Variants in MAGI3 observed in about 807,000 individuals in gnomAD.
MAGI3 encodes membrane associated guanylate kinase, WW and PDZ domain containing 3.
A neutral mutation model predicts 121.8 loss-of-function variants in MAGI3; 43 were observed. That is an observed-to-expected ratio of 0.35 (90% CI 0.28 to 0.46). The LOEUF (loss-of-function observed/expected upper bound fraction) is 0.46. Ranked by LOEUF, MAGI3 falls within the 20% of genes least tolerant of loss-of-function variation. The pLI, the probability that MAGI3 is intolerant of heterozygous loss-of-function variation, is 1.00. For synonymous variants in MAGI3, 553 were observed against 639.3 expected, an observed-to-expected ratio of 0.86 and a Z score of 2.04; for missense variants, 1,547 against 1,797.3, an observed-to-expected ratio of 0.86 and a Z score of 2.52.
chr1:113,505,988 T>C (rs1481197096), intron 1 of MAGI3, among the ~76,000 whole-genome samples: 2 of 152,124 alleles, frequency 1.3e-5, no homozygotes, highest in African/African-American at 2.4e-5. Context: ...GATTATGACA[T>C]TGGAGGCTGT....
chr1:113,614,582 C>T lies in MAGI3; in HGVS notation c.1019-19C>T, dbSNP rs554040700. 3.1e-6 allele frequency: 5 copies of T among 1,589,670 alleles called. No homozygotes were observed. The highest frequency in any genetic ancestry group is 3.4e-6 in the Non-Finnish European group (4 of 1,159,864). ...TCAGTTTTGAATCTGGCATTTCACT[C>T]AATTTTCTTTATTTACAGAGCTTCC... On this transcript the variant is annotated intron_variant, in intron 6 of 20. Coordinates refer to ENST00000307546, the MANE Select transcript of MAGI3 (RefSeq NM_001142782.2).
At chr1:113,483,777 A>G (rs981885557) in intron 1 of MAGI3, among the ~76,000 whole-genome samples, 1 of 152,166 alleles carries the variant, frequency 6.6e-6, no homozygotes, top group Non-Finnish European at 1.5e-5. Flanking sequence ...TTATTGTGAA[A>G]AATTTCACAC....
chr1:113,459,616 T>C (rs1654932284), intron 1 of MAGI3, among the ~76,000 whole-genome samples: 1 of 152,228 alleles, frequency 6.6e-6, no homozygotes, highest in Non-Finnish European at 1.5e-5. Flanking sequence ...ACCTGCCTCT[T>C]TACATTCACC....
chr1:113,630,018 C>T (rs1236414951), intron 9 of MAGI3, among the ~76,000 whole-genome samples: 3 of 152,182 alleles, frequency 2.0e-5, no homozygotes, highest in African/African-American at 7.2e-5. Context: ...GAGCTAGGTT[C>T]GTGTCCCTCT....
At chr1:113,496,462 A>G (rs540271142) in intron 1 of MAGI3, among the ~76,000 whole-genome samples, 1 of 152,344 alleles carries the variant, frequency 6.6e-6, no homozygotes, top group South Asian at 2.1e-4. Flanking sequence ...GACCGTCAGC[A>G]CTAAGTAAAT....
intron 1 of MAGI3, among the ~76,000 whole-genome samples, chr1:113,454,651 C>G (rs1654656421): frequency 1.3e-5 from 2 of 152,106 alleles, no homozygotes; most frequent in South Asian, 2.1e-4. Context: ...CCCTAGCCCC[C>G]CATCCCTCGA....
intron 1 of MAGI3, among the ~76,000 whole-genome samples, chr1:113,444,847 G>A (rs567677080): frequency 2.0e-5 from 3 of 152,252 alleles, no homozygotes; most frequent in East Asian, 1.9e-4. Flanking sequence ...AAAGGAAGAC[G>A]TGGGGAAAGT....
intron 1 of MAGI3, among the ~76,000 whole-genome samples, chr1:113,548,477 G>A (rs1295387034): frequency 3.9e-5 from 6 of 152,098 alleles, no homozygotes; most frequent in Admixed American, 2.6e-4. Flanking sequence ...TCAAGCAAGT[G>A]GACAGAAAAT....
intron 1 of MAGI3, among the ~76,000 whole-genome samples, chr1:113,465,671 A>G (rs1655249327): frequency 6.6e-6 from 1 of 152,090 alleles, no homozygotes; most frequent in Non-Finnish European, 1.5e-5. Flanking sequence ...CATCCTCTTC[A>G]GTATCTTTCA....
chr1:113,419,193 C>T (rs1557746866), intron 1 of MAGI3, among the ~76,000 whole-genome samples: 1 of 152,040 alleles, frequency 6.6e-6, no homozygotes, highest in Non-Finnish European at 1.5e-5. Context: ...GGATTTTCTA[C>T]TTTTATCTTC....
At chr1:113,548,742 A>C (rs1570840803) in intron 1 of MAGI3, among the ~76,000 whole-genome samples, 1 of 152,340 alleles carries the variant, frequency 6.6e-6, no homozygotes, top group South Asian at 2.1e-4. Context: ...TTATGTTTTA[A>C]ATCTCACTCT....
At chr1:113,542,959 T>C (rs1202190091) in intron 1 of MAGI3, among the ~76,000 whole-genome samples, 1 of 152,168 alleles carries the variant, frequency 6.6e-6, no homozygotes, top group Admixed American at 6.5e-5. Flanking sequence ...GCTTCTTACC[T>C]ATAAAATGGG....
intron 1 of MAGI3, among the ~76,000 whole-genome samples, chr1:113,453,242 A>T (rs1318607934): frequency 6.6e-6 from 1 of 152,200 alleles, no homozygotes; most frequent in Non-Finnish European, 1.5e-5. Flanking sequence ...CTTAAAGCAT[A>T]TACTGACTGG....
At position 113,685,295 on chromosome 1, in the gene MAGI3, T is replaced by A. The variant is rs1445663797; in HGVS notation, c.*1281T>A. 6.6e-6 allele frequency: 1 copy of A among 152,398 alleles called. No individual in the cohort carries two copies. The highest frequency in any genetic ancestry group is 6.5e-5 in the Admixed American group (1 of 15,282). The allele number at this position is 152,398 out of a possible 1,614,324, so 9.4% of individuals were successfully genotyped here. A position where few individuals can be genotyped will look rare whatever the true frequency, so the allele number is the denominator to read the frequency against. ...CTTCCATAAAATAGATCCAGGTTTT[T>A]CAGTTCCCTGAAGCAGCATTCAGTA... On this transcript the variant is annotated 3_prime_UTR_variant, in exon 21 of 21. Coordinates refer to ENST00000307546, the MANE Select transcript of MAGI3 (RefSeq NM_001142782.2).
intron 2 of MAGI3, among the ~76,000 whole-genome samples, chr1:113,571,557 T>C (rs1319343601): frequency 1.3e-5 from 2 of 152,198 alleles, no homozygotes; most frequent in Non-Finnish European, 2.9e-5. Flanking sequence ...TTGTGTCCTC[T>C]CGTATTTCCT....
intron 1 of MAGI3, among the ~76,000 whole-genome samples, chr1:113,399,180 T>C (rs759631436): frequency 2.6e-5 from 4 of 152,028 alleles, no homozygotes; most frequent in Non-Finnish European, 4.4e-5. Flanking sequence ...TCATACAGGG[T>C]CCTTAAAGCT....
chr1:113,496,507 G>A (rs1338850347), intron 1 of MAGI3, among the ~76,000 whole-genome samples: 1 of 152,160 alleles, frequency 6.6e-6, no homozygotes, highest in Non-Finnish European at 1.5e-5. Context: ...CTAAGGATCT[G>A]CAGAGTGTCT....
Position 113,597,623 on chromosome 1 carries a change from C to A in MAGI3, c.1018+3063C>A, listed in dbSNP as rs1246034416. Among the ~76,000 whole-genome samples, 3 of 152,088 alleles carry A rather than the reference C, an allele frequency of 2.0e-5. No homozygotes were observed. In the East Asian group the frequency reaches 5.8e-4, roughly 29 times the overall value. On this transcript the variant is annotated intron_variant, in intron 6 of 20. Transcript: ENST00000307546. ...ACACCCACTACAAGGGCTAGAGATACCATCTACATCCTTTAGAAGGACTAA... is the reference window on the plus strand; with the variant it reads ...ACACCCACTACAAGGGCTAGAGATAACATCTACATCCTTTAGAAGGACTAA...
At chr1:113,407,352 T>C (rs1651736727) in intron 1 of MAGI3, among the ~76,000 whole-genome samples, 1 of 152,120 alleles carries the variant, frequency 6.6e-6, no homozygotes, top group Non-Finnish European at 1.5e-5. Flanking sequence ...ACTGATTGAT[T>C]GCAGGTAAGG....
Sources: allele counts gnomAD v4.1 joint callset (sites outside exome capture counted in the v4.1 genomes callset), GRCh38; gene constraint gnomAD v4.1.1; transcripts MANE v1.5; gene names NCBI Gene and HGNC (gene_info 2026-07-23, HGNC 2026-07-21).